DIDO1: variants seen among roughly 807,000 people sequenced by gnomAD.
DIDO1 encodes death-inducer obliterator 1.
DIDO1 carries 16 observed loss-of-function variants against 99.4 expected under a neutral mutation model. The ratio of observed to expected loss-of-function variants is 0.16; its 90% CI spans 0.11 to 0.24. The LOEUF (loss-of-function observed/expected upper bound fraction) is 0.24, where lower values mean the gene tolerates loss of function less well. Among genes scored for constraint, DIDO1 ranks in the 10% least tolerant of loss-of-function variants. The pLI, the probability that DIDO1 is intolerant of heterozygous loss-of-function variation, is 1.00. For synonymous variants in DIDO1, 1,366 were observed against 1,239.1 expected, an observed-to-expected ratio of 1.10 and a Z score of -2.15; for missense variants, 2,996 against 3,014.0, an observed-to-expected ratio of 0.99 and a Z score of 0.14.
At chr20:62,905,678 C>G in intron 6 of DIDO1, 3 of 1,600,922 alleles carry the variant, frequency 1.9e-6, no homozygotes, top group Non-Finnish European at 2.6e-6. Context: ...CTTTGGAAAA[C>G]AGTGACAGGA....
At chr20:62,929,692 A>AAAAAAAAAAAT, upstream of DIDO1, among the ~76,000 whole-genome samples, 2 of 63,710 alleles carry the variant, frequency 3.1e-5, 1 homozygote, top group African/African-American at 1.5e-4. Flanking sequence ...AAAAAGAAAA[A>AAAAAAAAAAAT]GTGTATATAT....
chr20:62,880,940 GAAGCC>G lies in DIDO1; in HGVS notation c.5011_5015del (p.Gly1671ProfsTer7). 1 of 1,608,650 alleles carries G rather than the reference GAAGCC, an allele frequency of 6.2e-7. No individual in the cohort carries two copies. On this transcript the variant is annotated frameshift_variant, in exon 16 of 16. Transcript: ENST00000395343. LOFTEE classifies it low-confidence loss of function (END_TRUNC). The stretch of plus-strand genomic sequence containing the variant: ...CCCTCTCACCGTCGTGCTGCAGCGG[GAAGCC>G]GGGCTGCAGGGCGCCGCAAGGCGGT...
chr20:62,885,247 G>A (rs988427152), intron 15 of DIDO1, among the ~76,000 whole-genome samples: 8 of 152,146 alleles, frequency 5.3e-5, no homozygotes, highest in African/African-American at 1.7e-4. Context: ...TAGGCCTCGG[G>A]AAGGACCCTG....
At chr20:62,937,879 G>A (rs767508205) in exon 1 of DIDO1, 1 of 398,548 alleles carries the variant, frequency 2.5e-6, no homozygotes, top group Non-Finnish European at 4.4e-6. Context: ...CATCTTGCCA[G>A]AGGGCCGACG....
intron 1 of DIDO1, among the ~76,000 whole-genome samples, chr20:62,915,074 C>T (rs575584350): frequency 2.6e-5 from 4 of 152,270 alleles, no homozygotes; most frequent in Admixed American, 2.0e-4. Flanking sequence ...CAAACTGAGC[C>T]CCAGCTCTCA....
In DIDO1 at chr20:62,880,181, G is replaced by T. The variant is rs200084730; in HGVS notation, c.5775C>A (p.Gly1925=). Residue 1925 remains glycine, a synonymous_variant, in exon 16 of 16, where the codon GGC becomes GGA. Coordinates refer to ENST00000395343, the MANE Select transcript of DIDO1 (RefSeq NM_001193369.2). ...QRGPPPGHFV[G]PRGPHPSQFE... ...ACTGACTAGGATGGGGCCCTCTTGGGCCCACGAAATGACCAGGGGGTGGTC... is the reference window on the plus strand; with the variant it reads ...ACTGACTAGGATGGGGCCCTCTTGGTCCCACGAAATGACCAGGGGGTGGTC... The T allele has an allele frequency of 6.2e-7, 1 of 1,612,432 alleles. No individual in the cohort carries two copies. The highest frequency in any genetic ancestry group is 2.2e-5 in the East Asian group (1 of 44,852).
intron 1 of DIDO1, among the ~76,000 whole-genome samples, chr20:62,917,739 G>C (rs531171348): frequency 1.3e-5 from 2 of 152,312 alleles, no homozygotes; most frequent in East Asian, 3.9e-4. Context: ...CATCATCAGG[G>C]ACATTATTTG....
chr20:62,893,576 C>T, intron 12 of DIDO1, 90 bp downstream of exon 12: 1 of 1,418,526 alleles, frequency 7.0e-7, no homozygotes, highest in South Asian at 1.5e-5. Flanking sequence ...GTTACATTTC[C>T]AAGTTCAACT....
rs1428089788 is a variant in DIDO1 at position 62,892,904 on chromosome 20, T to C, written c.3160A>G (p.Ser1054Gly). The C allele has an allele frequency of 2.5e-5, 40 of 1,613,972 alleles. No homozygotes were observed. Among genetic ancestry groups the C allele is most frequent in the Non-Finnish European group, 3.0e-5 (35 of 1,180,002 alleles). ...TTAATAAATCCTTTCCAAATGGTGC[T>C]GAGTCGAGACAAAAAGAGGGTCGTG... Reference protein sequence around the residue: ...GDTTLFLSRLSTIWKGFINMQ... With the variant: ...GDTTLFLSRLGTIWKGFINMQ... The change falls in exon 13 of 16, where the codon AGC becomes GGC. Residue 1054 changes from serine to glycine, a missense_variant. Coordinates refer to ENST00000395343, the MANE Select transcript of DIDO1 (RefSeq NM_001193369.2).
rs528644815 is a variant in DIDO1 at position 62,893,214 on chromosome 20, T to TG, written c.3102-253dup. On this transcript the variant is annotated intron_variant, in intron 12 of 15. Coordinates refer to ENST00000395343, the MANE Select transcript of DIDO1 (RefSeq NM_001193369.2). ...CTAATTTTTGTCTTTTTTGTAGAGA[T>TG]GGAGTTTTGCCATGTTGCTCAGGCT... Among the ~76,000 whole-genome samples the TG allele has an allele frequency of 8.5e-5, 13 of 152,264 alleles. No individual in the cohort carries two copies. The East Asian group carries it at 2.5e-3, about 29-fold the overall frequency.
intron 6 of DIDO1, among the ~76,000 whole-genome samples, chr20:62,900,375 T>C (rs903785032): frequency 6.6e-6 from 1 of 151,666 alleles, no homozygotes; most frequent in African/African-American, 2.4e-5. Flanking sequence ...ATTGGCCAAT[T>C]TCCCCCAAAG....
chr20:62,906,716 C>T (rs1312209582), intron 5 of DIDO1, among the ~76,000 whole-genome samples: 1 of 34,280 alleles, frequency 2.9e-5, no homozygotes, highest in East Asian at 1.3e-3. Context: ...CCAAATAACA[C>T]GGAGTTCTTT....
intron 15 of DIDO1, chr20:62,887,418 A>G (rs1374234359): frequency 1.0e-6 from 1 of 985,378 alleles, no homozygotes; most frequent in Middle Eastern, 5.2e-4. Flanking sequence ...GAAAGACACT[A>G]TGGATTCAAA....
chr20:62,900,017 A>T (rs1202930401), intron 6 of DIDO1, among the ~76,000 whole-genome samples: 1 of 152,218 alleles, frequency 6.6e-6, no homozygotes, highest in East Asian at 1.9e-4. Flanking sequence ...ATAACTTCAG[A>T]GAAGGGCAAG....
chr20:62,901,239 C>A (rs6011458), intron 6 of DIDO1, among the ~76,000 whole-genome samples: 1 of 152,112 alleles, frequency 6.6e-6, no homozygotes, highest in South Asian at 2.1e-4. Context: ...GCTAGACTGC[C>A]GTGTTTTGGA....
At position 62,910,633 on chromosome 20, in the gene DIDO1, T is replaced by C. The variant is rs564757274; in HGVS notation, c.839+141A>G. On this transcript the variant is annotated intron_variant, in intron 3 of 15. Transcript: ENST00000395343. ...TCTAGGAAGTCCTTAGCCACTCTTA[T>C]GTGTTTCTTTTTTGACAACTTGTTC... 3,564 of 1,033,356 alleles carry C rather than the reference T, an allele frequency of 3.4e-3. 10 individuals carry two copies. Among genetic ancestry groups the C allele is most frequent in the Non-Finnish European group, 4.5e-3 (3,118 of 699,970 alleles). The allele number at this position is 1,033,356 out of a possible 1,614,324, so 64.0% of individuals were successfully genotyped here.
upstream of DIDO1, among the ~76,000 whole-genome samples, chr20:62,930,202 C>G (rs1230103731): frequency 7.1e-6 from 1 of 140,168 alleles, no homozygotes. Context: ...GACTCCGTCT[C>G]AAAGAAACAA....
intron 4 of DIDO1, among the ~76,000 whole-genome samples, chr20:62,909,365 CGAGGCAGCTG>C (rs1413464585): frequency 3.9e-5 from 6 of 152,240 alleles, no homozygotes; most frequent in African/African-American, 1.4e-4. Flanking sequence ...ACCAGAACCA[CGAGGCAGCTG>C]GAGACAGCAG....
At chr20:62,934,532 C>T (rs1047185066) in intron 1 of DIDO1, among the ~76,000 whole-genome samples, 2 of 152,098 alleles carry the variant, frequency 1.3e-5, no homozygotes, top group Non-Finnish European at 2.9e-5. Context: ...TATCCTTGAC[C>T]CCCCTCCCTG....
Sources: gnomAD v4.1 joint callset for allele counts (sites outside exome capture counted in the v4.1 genomes callset) on GRCh38, gnomAD v4.1.1 for gene constraint, MANE v1.5 for transcripts, NCBI Gene and HGNC (gene_info 2026-07-23, HGNC 2026-07-21) for gene names.